The following ADK variants were observed in gnomAD, a reference collection of about 807,000 sequenced individuals.
The protein encoded by ADK is adenosine kinase.
ADK carries 24 observed loss-of-function variants against 44.7 expected under a neutral mutation model. That is an observed-to-expected ratio of 0.54 (90% CI 0.39 to 0.76). The LOEUF is 0.76. Among genes scored for constraint, ADK ranks in the 30% least tolerant of loss-of-function variants. ADK has a pLI of 0.00. For synonymous variants in ADK, 128 were observed against 142.6 expected (o/e 0.90, Z 0.73); for missense variants, 321 against 425.1 (o/e 0.76, Z 2.15).
In ADK at chr10:74,553,112, C is replaced by T. The variant is rs558833790; in HGVS notation, c.726+27686C>T. 7.3e-5 allele frequency among the ~76,000 whole-genome samples: 11 copies of T among 150,062 alleles called. No individual in the cohort carries two copies. In the South Asian group the frequency reaches 2.1e-3, roughly 29 times the overall value. The stretch of plus-strand genomic sequence containing the variant: ...CCTGAGAAGAACAAAAACATATATC[C>T]ACAAAAAGAGTTGTGCAAGAAGATT... On this transcript the variant is annotated intron_variant, in intron 7 of 10. Coordinates refer to ENST00000539909, the MANE Select transcript of ADK (RefSeq NM_006721.4).
intron 3 of ADK, among the ~76,000 whole-genome samples, chr10:74,300,002 C>A (rs892481424): frequency 1.1e-4 from 17 of 151,728 alleles, no homozygotes; most frequent in African/African-American, 4.1e-4. Context: ...TGAAAATTAG[C>A]TTTTACTGAA....
intron 6 of ADK, among the ~76,000 whole-genome samples, chr10:74,410,450 G>A (rs1480306797): frequency 2.0e-5 from 3 of 152,082 alleles, no homozygotes; most frequent in South Asian, 2.1e-4. Flanking sequence ...GAAGTGGGTG[G>A]ATCACCTAAG....
chr10:74,398,460 G>A lies in ADK; in HGVS notation c.447-11G>A. 6.4e-7 allele frequency: 1 copy of A among 1,556,608 alleles called. No individual in the cohort carries two copies. The highest frequency in any genetic ancestry group is 8.9e-7 in the Non-Finnish European group (1 of 1,129,794). ...CTATAATATTACTTGCTTATTCTTT[G>A]GTTGTTTTAGGTCCCTCATAGCTAA... On this transcript the variant is annotated splice_polypyrimidine_tract_variant and intron_variant, in intron 5 of 10. Coordinates refer to ENST00000539909, the MANE Select transcript of ADK (RefSeq NM_006721.4).
At chr10:74,273,873 T>C (rs368346446) in intron 3 of ADK, among the ~76,000 whole-genome samples, 1 of 152,356 alleles carries the variant, frequency 6.6e-6, no homozygotes, top group East Asian at 1.9e-4. Context: ...ATCGGCTTCA[T>C]GTTGTCCTAA....
In ADK at chr10:74,254,416, G is replaced by GT. The variant is rs1845752753; in HGVS notation, c.194+29826dup. 2.0e-5 allele frequency among the ~76,000 whole-genome samples: 3 copies of GT among 151,636 alleles called. No homozygotes were observed. The South Asian group carries it at 6.3e-4, about 32-fold the overall frequency. ...TAGCTCACCAAAAACACCAAATGCA[G>GT]TATTTTTAATATTTACCTTTCAGGT... On this transcript the variant is annotated intron_variant, in intron 3 of 10. Coordinates refer to ENST00000539909, the MANE Select transcript of ADK (RefSeq NM_006721.4).
rs370850111 is a variant in ADK at position 74,389,322 on chromosome 10, T to G, written c.274-4819T>G. Reference sequence around the variant, plus strand: ...ACTTTGTATTAGGAACATCATCATTTTTATCTTTTTATTCCCTGGCAGACA... The same window carrying G: ...ACTTTGTATTAGGAACATCATCATTGTTATCTTTTTATTCCCTGGCAGACA... On this transcript the variant is annotated intron_variant, in intron 4 of 10. Transcript: ENST00000539909. Among the ~76,000 whole-genome samples, 8 of 152,244 alleles carry G rather than the reference T, an allele frequency of 5.3e-5. No homozygotes were observed. The South Asian group carries it at 1.7e-3, about 32-fold the overall frequency.
At chr10:74,670,161 C>T (rs551646191) in intron 9 of ADK, 22 bp from the exon 10 acceptor site, 138 of 1,599,638 alleles carry the variant, frequency 8.6e-5, no homozygotes, top group Middle Eastern at 1.7e-4. Context: ...GTCATTCTGC[C>T]TTTCTTTGGC....
chr10:74,653,794 A>G (rs1854373592), intron 9 of ADK, among the ~76,000 whole-genome samples: 1 of 152,238 alleles, frequency 6.6e-6, no homozygotes, highest in African/African-American at 2.4e-5. Context: ...ATTGGACAAT[A>G]AATGGTACTC....
intron 3 of ADK, among the ~76,000 whole-genome samples, chr10:74,314,181 G>T (rs2131802991): frequency 6.6e-6 from 1 of 152,136 alleles, no homozygotes; most frequent in Middle Eastern, 3.4e-3. Context: ...GAAGTGTAAG[G>T]TCTTATAATT....
At chr10:74,620,582 G>T (rs1007879676) in intron 9 of ADK, among the ~76,000 whole-genome samples, 1 of 152,062 alleles carries the variant, frequency 6.6e-6, no homozygotes, top group African/African-American at 2.4e-5. Flanking sequence ...TAAACATGGG[G>T]GTGCAAATGT....
chr10:74,409,860 G>A (rs1844101483), intron 6 of ADK, among the ~76,000 whole-genome samples: 1 of 152,120 alleles, frequency 6.6e-6, no homozygotes. Context: ...ACTACCAAAT[G>A]TTTACATTTT....
intron 2 of ADK, among the ~76,000 whole-genome samples, chr10:74,213,768 C>G (rs924777147): frequency 3.9e-5 from 6 of 152,004 alleles, no homozygotes; most frequent in Non-Finnish European, 8.8e-5. Context: ...CGCCCTCTGC[C>G]AGGCAAATCA....
chr10:74,674,234 CT>C (rs1324946952), intron 10 of ADK, among the ~76,000 whole-genome samples: 1 of 152,152 alleles, frequency 6.6e-6, no homozygotes, highest in Non-Finnish European at 1.5e-5. Context: ...ATGCATCTAT[CT>C]TACAACAGAA....
At chr10:74,435,894 A>G (rs1845164433) in intron 6 of ADK, among the ~76,000 whole-genome samples, 1 of 152,250 alleles carries the variant, frequency 6.6e-6, no homozygotes, top group Admixed American at 6.5e-5. Flanking sequence ...CATCTGCCTT[A>G]CCAAGAAATA....
intron 6 of ADK, among the ~76,000 whole-genome samples, chr10:74,451,067 C>CTTTTTTTTTTTT (rs35120068): frequency 5.4e-4 from 39 of 72,180 alleles, no homozygotes; most frequent in African/African-American, 8.4e-4. Flanking sequence ...GCTCTGCTGC[C>CTTTTTTTTTTTT]TTTTTTTTTT....
At chr10:74,549,677 T>A (rs1196077150) in intron 7 of ADK, among the ~76,000 whole-genome samples, 1 of 152,174 alleles carries the variant, frequency 6.6e-6, no homozygotes, top group Admixed American at 6.5e-5. Flanking sequence ...GCTCAAGTGA[T>A]CCGCCTACCT....
intron 10 of ADK, among the ~76,000 whole-genome samples, chr10:74,682,699 A>T (rs1855657448): frequency 6.6e-6 from 1 of 151,270 alleles, no homozygotes; most frequent in Non-Finnish European, 1.5e-5. Flanking sequence ...TCAGCCTCCC[A>T]AGTAGCTGGG....
intron 1 of ADK, among the ~76,000 whole-genome samples, chr10:74,190,075 G>C (rs1842908510): frequency 1.3e-5 from 2 of 152,134 alleles, no homozygotes; most frequent in South Asian, 2.1e-4. Context: ...AGTTTTTGTG[G>C]TGTTCTATTT....
At chr10:74,561,238 T>C (rs183252738) in intron 7 of ADK, among the ~76,000 whole-genome samples, 4 of 152,346 alleles carry the variant, frequency 2.6e-5, no homozygotes, top group African/African-American at 9.6e-5. Flanking sequence ...ATTTTCTTGC[T>C]TATTCCACCA....
Sources: allele counts gnomAD v4.1 joint callset (sites outside exome capture counted in the v4.1 genomes callset), GRCh38; gene constraint gnomAD v4.1.1; transcripts MANE v1.5; gene names NCBI Gene and HGNC (gene_info 2026-07-23, HGNC 2026-07-21).